The following FGB variants were observed in gnomAD, a reference collection of about 807,000 sequenced individuals.
The protein encoded by FGB is fibrinogen beta chain, also known as beta-fibrinogen.
Under a neutral mutation model 57.9 loss-of-function variants are expected in FGB, and 25 were observed. The ratio of observed to expected loss-of-function variants is 0.43; its 90% CI spans 0.31 to 0.60. FGB has a LOEUF of 0.60. Among genes scored for constraint, FGB ranks in the 20% least tolerant of loss-of-function variants. The pLI, the probability that FGB is intolerant of heterozygous loss-of-function variation, is 0.08. For missense variants in FGB, 536 were observed against 598.4 expected, an observed-to-expected ratio of 0.90 and a Z score of 1.09; for synonymous variants, 203 against 199.2, an observed-to-expected ratio of 1.02 and a Z score of -0.16.
intron 3 of FGB, chr4:154,566,888 TCTA>T: frequency 1.7e-6 from 1 of 576,320 alleles, no homozygotes; most frequent in Non-Finnish European, 3.1e-6. Flanking sequence ...TATGAAAAAT[TCTA>T]CTATGACTCC....
At chr4:154,563,765 T>A in intron 1 of FGB, among the ~76,000 whole-genome samples, 1 of 151,980 alleles carries the variant, frequency 6.6e-6, no homozygotes, top group East Asian at 1.9e-4. Flanking sequence ...TCCTCAACTA[T>A]TATTTTTGCT....
chr4:154,566,448 C>A (rs1417804477), intron 2 of FGB, 41 bp from the exon 3 acceptor site: 7 of 1,584,390 alleles, frequency 4.4e-6, no homozygotes, highest in East Asian at 4.5e-5. Flanking sequence ...GTCCATGACC[C>A]AAATCCTTCA....
chr4:154,566,353 T>A, intron 2 of FGB, 136 bp from the exon 3 acceptor site: 1 of 797,896 alleles, frequency 1.3e-6, no homozygotes, highest in Non-Finnish European at 2.1e-6. Context: ...ACTTTCGAAT[T>A]TCTGGTCTTA....
chr4:154,567,370 C>T (rs548269766), intron 3 of FGB, among the ~76,000 whole-genome samples: 21 of 152,204 alleles, frequency 1.4e-4, no homozygotes, highest in South Asian at 1.0e-3. Context: ...CAATCTTTAG[C>T]GTATACCTAT....
At chr4:154,563,190 A>G in intron 1 of FGB, 58 bp downstream of exon 1, 1 of 745,838 alleles carries the variant, frequency 1.3e-6, no homozygotes, top group Non-Finnish European at 2.3e-6. Context: ...AAGATGTAAC[A>G]TAATCATATT....
In FGB at chr4:154,565,927, A is replaced by G. The variant is rs745422213; in HGVS notation, c.234A>G (p.Ala78=). 2 of 1,614,124 alleles carry G rather than the reference A, an allele frequency of 1.2e-6. No individual in the cohort carries two copies. Among genetic ancestry groups the G allele is most frequent in the Non-Finnish European group, 1.7e-6 (2 of 1,180,034 alleles). ...GGGYRARPAK[A]AATQKKVERK... is the part of the protein sequence containing the mutation. ...GCTATCGGGCTCGTCCAGCCAAAGC[A>G]GCTGCCACTCAAAAGAAAGTAGAAA... Residue 78 remains alanine (A), a synonymous_variant, in exon 2 of 8, where the codon GCA becomes GCG. Transcript: ENST00000302068.
At chr4:154,568,168 G>C (rs1367682218) in intron 4 of FGB, among the ~76,000 whole-genome samples, 1 of 152,160 alleles carries the variant, frequency 6.6e-6, no homozygotes, top group Admixed American at 6.5e-5. Context: ...GTGGAGAAGA[G>C]CTTTGTTCAT....
At chr4:154,566,383 T>A in intron 2 of FGB, 106 bp from the exon 3 acceptor site, 1 of 1,062,350 alleles carries the variant, frequency 9.4e-7, no homozygotes, top group East Asian at 2.4e-5. Context: ...AAATAATAAA[T>A]TTTTATGTTG....
At chr4:154,569,455 C>T (rs1194596875) in intron 6 of FGB, 59 bp from the exon 7 acceptor site, 7 of 1,588,378 alleles carry the variant, frequency 4.4e-6, no homozygotes, top group Admixed American at 1.7e-5. Flanking sequence ...GGAAGAAAGG[C>T]AGTTTTTAGT....
Position 154,565,229 on chromosome 4 carries a change from C to T in FGB, c.115-579C>T, listed in dbSNP as rs2227401. The T allele has an allele frequency of 0.18, 82,730 of 461,956 alleles. 8,096 individuals are homozygous for T. The highest frequency in any genetic ancestry group is 0.24 in the Middle Eastern group (717 of 3,050). The allele number at this position is 461,956 out of a possible 1,614,324, so 28.6% of individuals were successfully genotyped here. On this transcript the variant is annotated intron_variant, in intron 1 of 7. Transcript: ENST00000302068. ...AGATAAAGCAACTTGCCCAAGGTCT[C>T]ATAGCTGTAAGTCAACCCTACGGTC...
chr4:154,568,478 G>T lies in FGB; in HGVS notation c.816G>T (p.Met272Ile), dbSNP rs147961877. ...AACCGTATAGAGTATACTGTGACAT[G>T]AATACAGAAAATGGAGGTAAGCTTT... The part of the protein sequence containing the change: ...SVKPYRVYCD[M>I]NTENGGWTVI... The change falls in exon 5 of 8, where the codon ATG becomes ATT. Residue 272 changes from methionine (M) to isoleucine (I), a missense_variant. Physicochemically the swap from Met to Ile is conservative, Grantham distance 10. Transcript: ENST00000302068. The T allele has an allele frequency of 1.3e-6, 2 of 1,563,280 alleles. No individual in the cohort carries two copies. The highest frequency in any genetic ancestry group is 2.7e-5 in the African/African-American group (2 of 73,936).
Position 154,569,285 on chromosome 4 carries a change from G to A in FGB, c.936G>A (p.Gly312=), listed in dbSNP as rs1398477921. The part of the protein sequence containing the change: ...GFGNVATNTD[G]KNYCGLPGEY... ...GAAATGTTGCAACCAACACAGATGG[G>A]AAGAATTACTGTGGCCTACCAGGTA... The change falls in exon 6 of 8, where the codon GGG becomes GGA. Residue 312 remains glycine (G), a synonymous_variant. Transcript: ENST00000302068. 32 of 1,613,996 alleles carry A rather than the reference G, an allele frequency of 2.0e-5. No homozygotes were observed. The highest frequency in any genetic ancestry group is 2.6e-5 in the Non-Finnish European group (31 of 1,180,006).
intron 7 of FGB, 129 bp from the exon 8 acceptor site, chr4:154,570,288 ACT>A: frequency 1.4e-6 from 1 of 732,414 alleles, no homozygotes; most frequent in Non-Finnish European, 2.5e-6. Context: ...TATTAGTGTG[ACT>A]CTATGTATAG....
chr4:154,570,935 G>A lies in FGB; in HGVS notation c.*285G>A, dbSNP rs1423015966. 3 of 447,618 alleles carry A rather than the reference G, an allele frequency of 6.7e-6. No individual in the cohort carries two copies. The highest frequency in any genetic ancestry group is 2.0e-5 in the African/African-American group (1 of 50,226). The allele number at this position is 447,618 out of a possible 1,614,324, so 27.7% of individuals were successfully genotyped here. Reference sequence around the variant, plus strand: ...TGCGAGAATTTTCAAATAAGGAAGAGGGGTCTTTTATCCTTGTCGTAGGAA... The same window carrying A: ...TGCGAGAATTTTCAAATAAGGAAGAAGGGTCTTTTATCCTTGTCGTAGGAA... On this transcript the variant is annotated 3_prime_UTR_variant, in exon 8 of 8. Coordinates refer to ENST00000302068, the MANE Select transcript of FGB (RefSeq NM_005141.5).
intron 6 of FGB, 88 bp from the exon 7 acceptor site, chr4:154,569,426 T>C (rs1578785018): frequency 6.3e-7 from 1 of 1,583,308 alleles, no homozygotes; most frequent in Non-Finnish European, 8.6e-7. Flanking sequence ...CTGACAAAAA[T>C]GTGGAAGCTA....
intron 5 of FGB, 50 bp from the exon 6 acceptor site, chr4:154,569,132 A>G: frequency 6.2e-7 from 1 of 1,602,206 alleles, no homozygotes; most frequent in Non-Finnish European, 8.6e-7. Flanking sequence ...TCAAAGTGAC[A>G]TTATTTGCTG....
rs973524498 is a variant in FGB, at chr4:154,571,644, G to A, written c.*994G>A. Among the ~76,000 whole-genome samples the A allele has an allele frequency of 5.3e-5, 8 of 152,110 alleles. No individual in the cohort carries two copies. Among genetic ancestry groups the A allele is most frequent in the African/African-American group, 1.9e-4 (8 of 41,412 alleles). On this transcript the variant is annotated 3_prime_UTR_variant, in exon 8 of 8. Coordinates refer to ENST00000302068, the MANE Select transcript of FGB (RefSeq NM_005141.5). The stretch of plus-strand genomic sequence containing the variant: ...GAATATGCCTGTTGCCCATAGAAAC[G>A]AGGTCTATTCTTGTCCTCAATTAGG...
intron 1 of FGB, 57 bp downstream of exon 1, chr4:154,563,189 C>A: frequency 2.7e-6 from 2 of 748,114 alleles, no homozygotes; most frequent in Non-Finnish European, 4.6e-6. Context: ...TAAGATGTAA[C>A]ATAATCATAT....
chr4:154,571,429 A>G lies in FGB; in HGVS notation c.*779A>G, dbSNP rs1400694031. Among the ~76,000 whole-genome samples the G allele has an allele frequency of 6.6e-6, 1 of 150,436 alleles. No individual in the cohort carries two copies. The highest frequency in any genetic ancestry group is 6.7e-5 in the Admixed American group (1 of 14,882). Reference sequence around the variant, plus strand: ...GATTGCATTGAGCCAAGATCTCAACACTGCACTCCAGCCTGGGCAACAGCG... The same window carrying G: ...GATTGCATTGAGCCAAGATCTCAACGCTGCACTCCAGCCTGGGCAACAGCG... On this transcript the variant is annotated 3_prime_UTR_variant, in exon 8 of 8. Coordinates refer to ENST00000302068, the MANE Select transcript of FGB (RefSeq NM_005141.5).
Sources: allele counts gnomAD v4.1 joint callset (sites outside exome capture counted in the v4.1 genomes callset), GRCh38; gene constraint gnomAD v4.1.1; transcripts MANE v1.5; gene names NCBI Gene and HGNC (gene_info 2026-07-23, HGNC 2026-07-21).